Variants in USP17L2 observed in about 807,000 individuals in gnomAD.
USP17L2 encodes the protein ubiquitin specific peptidase 17 like family member 2.
USP17L2 carries 29 observed loss-of-function variants against 39.8 expected under a neutral mutation model. That is an observed-to-expected ratio of 0.73 (90% CI 0.54 to 0.99). The LOEUF (loss-of-function observed/expected upper bound fraction) is 0.99. USP17L2 is among the 50% of genes least tolerant of loss of function. USP17L2 has a pLI of 0.00. For synonymous variants in USP17L2, 231 were observed against 252.7 expected, an observed-to-expected ratio of 0.91 and a Z score of 0.81; for missense variants, 567 against 647.2, an observed-to-expected ratio of 0.88 and a Z score of 1.35.
Position 12,137,742 on chromosome 8 carries a change from T to C in USP17L2, c.1019A>G (p.Lys340Arg), listed in dbSNP as rs772217561. 5.4e-5 allele frequency: 82 copies of C among 1,522,994 alleles called. 20 individuals are homozygous for C. In the Admixed American group the frequency reaches 9.7e-4, roughly 18 times the overall value. The allele number at this position is 1,522,994 out of a possible 1,614,324, so 94.3% of individuals were successfully genotyped here. A position where few individuals can be genotyped will look rare whatever the true frequency, so the allele number is the denominator to read the frequency against. The change falls in exon 1 of 1, where the codon AAA becomes AGA. Residue 340 changes from lysine to arginine, a missense_variant. Transcript: ENST00000333796. ...TTTATACCACTGGCCTTCTTGAGCTTTGACATAAGAGAAGTAATGTCCGTC... is the reference window on the plus strand; with the variant it reads ...TTTATACCACTGGCCTTCTTGAGCTCTGACATAAGAGAAGTAATGTCCGTC... ...CHDGHYFSYV[K>R]AQEGQWYKMD... is the part of the protein sequence containing the mutation.
At position 12,138,570 on chromosome 8, in the gene USP17L2, G is replaced by A. The variant is rs1405006019; in HGVS notation, c.191C>T (p.Pro64Leu). 2 of 1,530,802 alleles carry A rather than the reference G, an allele frequency of 1.3e-6. No individual in the cohort carries two copies. Among genetic ancestry groups the A allele is most frequent in the Non-Finnish European group, 1.8e-6 (2 of 1,135,326 alleles). 94.8% of individuals were successfully genotyped at this position (1,530,802 alleles called of 1,614,324 possible). The part of the protein sequence containing the change: ...DLAPVARQLA[P>L]RKKLPLSSRR... ...GCTACTCAGAGGAAGCTTCTTCCTG[G>A]GAGCAAGCTGTCTTGCCACAGGAGC... Residue 64 changes from proline to leucine, a missense_variant, in exon 1 of 1, where the codon CCC becomes CTC. Pro to Leu is a moderately conservative substitution (Grantham distance 98). Around this residue, in one of 6 missense-constraint regions of USP17L2, gnomAD observed 120 missense variants for 111.0 expected, o/e 1.08. Transcript: ENST00000333796.
At position 12,136,898 on chromosome 8, in the gene USP17L2, A is replaced by T; in HGVS notation, c.*270T>A. ...AGTGAATGTCATCTACCATGAACAC[A>T]AACACACAGACAGTCTCTCCAGAGG... On this transcript the variant is annotated 3_prime_UTR_variant, in exon 1 of 1. Transcript: ENST00000333796. 7.1e-6 allele frequency among the ~76,000 whole-genome samples: 1 copy of T among 140,480 alleles called. No homozygotes were observed. Among genetic ancestry groups the T allele is most frequent in the Non-Finnish European group, 1.5e-5 (1 of 64,874 alleles). The allele number at this position is 140,480 out of a possible 152,430, so 92.2% of individuals were successfully genotyped here. A position where few individuals can be genotyped will look rare whatever the true frequency, so the allele number is the denominator to read the frequency against.
rs1288128700 is a variant in USP17L2 at position 12,138,819 on chromosome 8, G to A, written c.-59C>T. The A allele has an allele frequency of 8.1e-5, 74 of 909,888 alleles. 3 individuals carry two copies. The highest frequency in any genetic ancestry group is 1.0e-4 in the Non-Finnish European group (61 of 583,700). 56.4% of individuals were successfully genotyped at this position (909,888 alleles called of 1,614,324 possible). On this transcript the variant is annotated 5_prime_UTR_variant, in exon 1 of 1. Transcript: ENST00000333796. ...CTGGGACTGCAGGTTGCAGCAAGAC[G>A]CTATCTCTTCCAAGAGAGTCTTCAA...
Position 12,137,114 on chromosome 8 carries a change from T to G in USP17L2, c.*54A>C. ...GCGTGCGCGCTTGTGGGTGTATTTG[T>G]GCGTGTGTGTGTGTGCGTTCACCCC... is the stretch of plus-strand genomic sequence containing the variant. On this transcript the variant is annotated 3_prime_UTR_variant, in exon 1 of 1. Transcript: ENST00000333796. 1 of 1,486,236 alleles carries G rather than the reference T, an allele frequency of 6.7e-7. No individual in the cohort carries two copies. The highest frequency in any genetic ancestry group is 9.1e-7 in the Non-Finnish European group (1 of 1,095,622). The allele number at this position is 1,486,236 out of a possible 1,614,324, so 92.1% of individuals were successfully genotyped here. A position where few individuals can be genotyped will look rare whatever the true frequency, so the allele number is the denominator to read the frequency against.
Position 12,138,847 on chromosome 8 carries a change from G to A in USP17L2, c.-87C>T, listed in dbSNP as rs1803388845. 7 of 974,156 alleles carry A rather than the reference G, an allele frequency of 7.2e-6. No individual in the cohort carries two copies. The highest frequency in any genetic ancestry group is 1.7e-5 in the African/African-American group (1 of 58,394). The allele number at this position is 974,156 out of a possible 1,614,324, so 60.3% of individuals were successfully genotyped here. A position where few individuals can be genotyped will look rare whatever the true frequency, so the allele number is the denominator to read the frequency against. On this transcript the variant is annotated 5_prime_UTR_variant, in exon 1 of 1. Coordinates refer to ENST00000333796, the MANE Select transcript of USP17L2 (RefSeq NM_201402.3). ...ATCTCTTCCAAGAGAGTCTTCAAAT[G>A]ACGAGCTCTCTGGCCGCATCAGCCC...
chr8:12,137,355 G>A lies in USP17L2; in HGVS notation c.1406C>T (p.Ser469Leu), dbSNP rs201297814. The change falls in exon 1 of 1, where the codon TCG (serine) becomes TTG (leucine). Residue 469 changes from serine (S) to leucine (L), a missense_variant. Ser to Leu is a moderately radical substitution (Grantham distance 145). This residue lies in a region of USP17L2 where 304 missense variants were observed against 254.7 expected (regional missense o/e 1.19). Coordinates refer to ENST00000333796, the MANE Select transcript of USP17L2 (RefSeq NM_201402.3). ...LPPNVLVIHQ[S>L]KYKCGMKNHH... is the part of the protein sequence containing the mutation. ...GTTTTTCATCCCACACTTGTATTTC[G>A]ATTGATGAATCACAAGTACGTTGGG... The A allele has an allele frequency of 3.5e-4, 530 of 1,531,270 alleles. 84 individuals are homozygous for A. The highest frequency in any genetic ancestry group is 8.8e-4 in the East Asian group (34 of 38,456). The allele number at this position is 1,531,270 out of a possible 1,614,324, so 94.9% of individuals were successfully genotyped here. A position where few individuals can be genotyped will look rare whatever the true frequency, so the allele number is the denominator to read the frequency against.
In USP17L2 at chr8:12,137,140, T is replaced by C. The variant is rs1368610165; in HGVS notation, c.*28A>G. 1.3e-6 allele frequency: 2 copies of C among 1,524,684 alleles called. No individual in the cohort carries two copies. Among genetic ancestry groups the C allele is most frequent in the Non-Finnish European group, 1.8e-6 (2 of 1,129,758 alleles). The allele number at this position is 1,524,684 out of a possible 1,614,324, so 94.4% of individuals were successfully genotyped here. A position where few individuals can be genotyped will look rare whatever the true frequency, so the allele number is the denominator to read the frequency against. On this transcript the variant is annotated 3_prime_UTR_variant, in exon 1 of 1. Coordinates refer to ENST00000333796, the MANE Select transcript of USP17L2 (RefSeq NM_201402.3). Reference sequence around the variant, plus strand: ...GCGTGTGTGTGTGTGCGTTCACCCCTACGTGTGGGTCGGCACTTCCACTGA... The same window carrying C: ...GCGTGTGTGTGTGTGCGTTCACCCCCACGTGTGGGTCGGCACTTCCACTGA...
rs1298888972 is a variant in USP17L2 at position 12,136,509 on chromosome 8, T to C, written c.*659A>G. 2.1e-5 allele frequency among the ~76,000 whole-genome samples: 3 copies of C among 140,654 alleles called. No homozygotes were observed. The highest frequency in any genetic ancestry group is 4.6e-5 in the Non-Finnish European group (3 of 64,942). The allele number at this position is 140,654 out of a possible 152,430, so 92.3% of individuals were successfully genotyped here. On this transcript the variant is annotated 3_prime_UTR_variant, in exon 1 of 1. Coordinates refer to ENST00000333796, the MANE Select transcript of USP17L2 (RefSeq NM_201402.3). ...CATGCCAGTGGGAAAATTTTCCATT[T>C]CGACTCATTGGAATTGGACATCGTG...
chr8:12,137,254 C>T lies in USP17L2; in HGVS notation c.1507G>A (p.Gly503Ser). Residue 503 changes from glycine to serine, a missense_variant, in exon 1 of 1, where the codon GGC (glycine) becomes AGC (serine). By Grantham distance (56) the Gly-to-Ser change is moderately conservative. Around this residue, in one of 6 missense-constraint regions of USP17L2, gnomAD observed 304 missense variants for 254.7 expected, o/e 1.19. Coordinates refer to ENST00000333796, the MANE Select transcript of USP17L2 (RefSeq NM_201402.3). ...CTCCCTTGCAGAGAAGCGAGGGTGC[C>T]AGTGTTCACGGACTCCTGATCTGTC... Reference protein sequence around the residue: ...TRTDQESVNTGTLASLQGRTR... With the variant: ...TRTDQESVNTSTLASLQGRTR... 2 of 1,530,542 alleles carry T rather than the reference C, an allele frequency of 1.3e-6. No homozygotes were observed. Among genetic ancestry groups the T allele is most frequent in the Non-Finnish European group, 1.8e-6 (2 of 1,135,020 alleles). 94.8% of individuals were successfully genotyped at this position (1,530,542 alleles called of 1,614,324 possible). A position where few individuals can be genotyped will look rare whatever the true frequency, so the allele number is the denominator to read the frequency against.
In USP17L2 at chr8:12,137,392, C is replaced by T. The variant is rs2150629091; in HGVS notation, c.1369G>A (p.Gly457Ser). The change falls in exon 1 of 1, where the codon GGT becomes AGT. Residue 457 changes from glycine to serine, a missense_variant. Transcript: ENST00000333796. Reference protein sequence around the residue: ...KPEFNVRKVEGTLPPNVLVIH... With the variant: ...KPEFNVRKVESTLPPNVLVIH... ...ACAAGTACGTTGGGAGGCAGGGTAC[C>T]TTCGACTTTTCTGACGTTGAACTCA... 1.2e-5 allele frequency: 18 copies of T among 1,531,992 alleles called. No homozygotes were observed. Among genetic ancestry groups the T allele is most frequent in the East Asian group, 2.6e-5 (1 of 38,454 alleles). The allele number at this position is 1,531,992 out of a possible 1,614,324, so 94.9% of individuals were successfully genotyped here.
chr8:12,137,250 G>A lies in USP17L2; in HGVS notation c.1511C>T (p.Thr504Ile), dbSNP rs746473450. Residue 504 changes from threonine (T) to isoleucine (I), a missense_variant, in exon 1 of 1, where the codon ACC becomes ATC. Coordinates refer to ENST00000333796, the MANE Select transcript of USP17L2 (RefSeq NM_201402.3). ...RTDQESVNTG[T>I]LASLQGRTRR... ...GGTCCTCCCTTGCAGAGAAGCGAGGGTGCCAGTGTTCACGGACTCCTGATC... is the reference window on the plus strand; with the variant it reads ...GGTCCTCCCTTGCAGAGAAGCGAGGATGCCAGTGTTCACGGACTCCTGATC... 6.5e-7 allele frequency: 1 copy of A among 1,530,564 alleles called. No individual in the cohort carries two copies. The highest frequency in any genetic ancestry group is 8.8e-7 in the Non-Finnish European group (1 of 1,135,080). The allele number at this position is 1,530,564 out of a possible 1,614,324, so 94.8% of individuals were successfully genotyped here.
In USP17L2 at chr8:12,138,327, G is replaced by T. The variant is rs367856582; in HGVS notation, c.434C>A (p.Pro145His). ...ALHSPGHVIQPSQALAAGFHR... is the reference protein window; with the variant it reads ...ALHSPGHVIQHSQALAAGFHR... The stretch of plus-strand genomic sequence containing the variant: ...GAAGCCAGCAGCCAATGCCTGTGAG[G>T]GCTGGATGACATGACCAGGACTGTG... The change falls in exon 1 of 1, where the codon CCC becomes CAC. Residue 145 changes from proline to histidine, a missense_variant. Around this residue, in one of 6 missense-constraint regions of USP17L2, gnomAD observed 67 missense variants for 122.8 expected, o/e 0.55. Transcript: ENST00000333796. 114 of 1,515,848 alleles carry T rather than the reference G, an allele frequency of 7.5e-5. 4 individuals are homozygous for T. In the African/African-American group the frequency reaches 1.4e-3, roughly 19 times the overall value. The allele number at this position is 1,515,848 out of a possible 1,614,324, so 93.9% of individuals were successfully genotyped here.
In USP17L2 at chr8:12,138,305, G is replaced by A; in HGVS notation, c.456C>T (p.Gly152=). Residue 152 remains glycine (G), a synonymous_variant, in exon 1 of 1, where the codon GGC becomes GGT. Coordinates refer to ENST00000333796, the MANE Select transcript of USP17L2 (RefSeq NM_201402.3). The stretch of plus-strand genomic sequence containing the variant: ...CATCTTCCTGCTTGCCTCTATGGAA[G>A]CCAGCAGCCAATGCCTGTGAGGGCT... The part of the protein sequence containing the change: ...VIQPSQALAA[G]FHRGKQEDAH... 2 of 1,493,614 alleles carry A rather than the reference G, an allele frequency of 1.3e-6. No homozygotes were observed. The highest frequency in any genetic ancestry group is 1.8e-6 in the Non-Finnish European group (2 of 1,099,690). The allele number at this position is 1,493,614 out of a possible 1,614,324, so 92.5% of individuals were successfully genotyped here. A position where few individuals can be genotyped will look rare whatever the true frequency, so the allele number is the denominator to read the frequency against.
chr8:12,138,599 A>G lies in USP17L2; in HGVS notation c.162T>C (p.Asp54=). ...CAAGCTGTCTTGCCACAGGAGCCAA[A>G]TCATCACAGAGGTCGACACGGGCCT... ...SSEARVDLCD[D]LAPVARQLAP... The change falls in exon 1 of 1, where the codon GAT becomes GAC. Residue 54 remains aspartate, a synonymous_variant. Coordinates refer to ENST00000333796, the MANE Select transcript of USP17L2 (RefSeq NM_201402.3). The G allele has an allele frequency of 6.5e-7, 1 of 1,530,952 alleles. No homozygotes were observed. The highest frequency in any genetic ancestry group is 8.8e-7 in the Non-Finnish European group (1 of 1,135,124). 94.8% of individuals were successfully genotyped at this position (1,530,952 alleles called of 1,614,324 possible). A position where few individuals can be genotyped will look rare whatever the true frequency, so the allele number is the denominator to read the frequency against.
In USP17L2 at chr8:12,136,638, T is replaced by C. The variant is rs3867444; in HGVS notation, c.*530A>G. On this transcript the variant is annotated 3_prime_UTR_variant, in exon 1 of 1. Transcript: ENST00000333796. The stretch of plus-strand genomic sequence containing the variant: ...CATTCAGAAACCAATGTAAAAACGG[T>C]GAGCCAGGGTAAGAAAGAAGAGCAC... Among the ~76,000 whole-genome samples, 14 of 140,052 alleles carry C rather than the reference T, an allele frequency of 1.0e-4. 4 individuals are homozygous for C. The highest frequency in any genetic ancestry group is 8.0e-4 in the Admixed American group (11 of 13,736). The allele number at this position is 140,052 out of a possible 152,430, so 91.9% of individuals were successfully genotyped here.
chr8:12,138,575 A>T lies in USP17L2; in HGVS notation c.186T>A (p.Leu62=). 4.6e-6 allele frequency: 7 copies of T among 1,530,958 alleles called. 1 individual carries two copies. Among genetic ancestry groups the T allele is most frequent in the Non-Finnish European group, 6.2e-6 (7 of 1,135,380 alleles). The allele number at this position is 1,530,958 out of a possible 1,614,324, so 94.8% of individuals were successfully genotyped here. A position where few individuals can be genotyped will look rare whatever the true frequency, so the allele number is the denominator to read the frequency against. The change falls in exon 1 of 1, where the codon CTT becomes CTA. Residue 62 remains leucine (L), a synonymous_variant. Coordinates refer to ENST00000333796, the MANE Select transcript of USP17L2 (RefSeq NM_201402.3). Reference sequence around the variant, plus strand: ...TCAGAGGAAGCTTCTTCCTGGGAGCAAGCTGTCTTGCCACAGGAGCCAAAT... The same window carrying T: ...TCAGAGGAAGCTTCTTCCTGGGAGCTAGCTGTCTTGCCACAGGAGCCAAAT... ...CDDLAPVARQ[L]APRKKLPLSS... is the part of the protein sequence containing the mutation.
Position 12,138,467 on chromosome 8 carries a change from C to G in USP17L2, c.294G>C (p.Leu98=), listed in dbSNP as rs201338909. 263 of 1,540,318 alleles carry G rather than the reference C, an allele frequency of 1.7e-4. 44 individuals carry two copies. The highest frequency in any genetic ancestry group is 2.2e-4 in the Non-Finnish European group (256 of 1,138,526). The part of the protein sequence containing the change: ...TCYENASLQC[L]TYTPPLANYM... ...AGTTGGCAAGGGGCGGTGTGTATGT[C>G]AGGCACTGCAGGGAAGCGTTCTCGT... The change falls in exon 1 of 1, where the codon CTG becomes CTC. Residue 98 remains leucine (L), a synonymous_variant. Transcript: ENST00000333796.
At position 12,137,027 on chromosome 8, in the gene USP17L2, T is replaced by G. The variant is rs1259078303; in HGVS notation, c.*141A>C. On this transcript the variant is annotated 3_prime_UTR_variant, in exon 1 of 1. Coordinates refer to ENST00000333796, the MANE Select transcript of USP17L2 (RefSeq NM_201402.3). The stretch of plus-strand genomic sequence containing the variant: ...TGTCCCTGTTGTAGAGACAGAAACT[T>G]GGACTCCTCATTACTTTATGTAGGA... The G allele has an allele frequency of 4.6e-5, 50 of 1,097,626 alleles. 1 individual carries two copies. Among genetic ancestry groups the G allele is most frequent in the South Asian group, 1.4e-4 (9 of 65,092 alleles). 68.0% of individuals were successfully genotyped at this position (1,097,626 alleles called of 1,614,324 possible). A position where few individuals can be genotyped will look rare whatever the true frequency, so the allele number is the denominator to read the frequency against.
chr8:12,137,234 T>C lies in USP17L2; in HGVS notation c.1527A>G (p.Gln509=), dbSNP rs766236916. 4.6e-6 allele frequency: 7 copies of C among 1,530,978 alleles called. 1 individual carries two copies. The highest frequency in any genetic ancestry group is 2.4e-4 in the Middle Eastern group (1 of 4,118). 94.8% of individuals were successfully genotyped at this position (1,530,978 alleles called of 1,614,324 possible). A position where few individuals can be genotyped will look rare whatever the true frequency, so the allele number is the denominator to read the frequency against. ...TCCCTTTGGATCTCCTGGTCCTCCC[T>C]TGCAGAGAAGCGAGGGTGCCAGTGT... ...SVNTGTLASL[Q]GRTRRSKGKN... The change falls in exon 1 of 1, where the codon CAA becomes CAG. Residue 509 remains glutamine (Q), a synonymous_variant. Coordinates refer to ENST00000333796, the MANE Select transcript of USP17L2 (RefSeq NM_201402.3).
Sources: allele counts gnomAD v4.1 joint callset (sites outside exome capture counted in the v4.1 genomes callset), GRCh38; gene constraint gnomAD v4.1.1; regional missense constraint gnomAD v4.1.1; transcripts MANE v1.5; gene names NCBI Gene and HGNC (gene_info 2026-07-23, HGNC 2026-07-21).